Variants in SLC17A9 observed in about 807,000 individuals in gnomAD.
SLC17A9 encodes solute carrier family 17 member 9, also known as voltage-gated purine nucleotide uniporter SLC17A9.
A neutral mutation model predicts 55.0 loss-of-function variants in SLC17A9; 49 were observed. The ratio of observed to expected loss-of-function variants is 0.89; its 90% confidence interval spans 0.71 to 1.13. The LOEUF (loss-of-function observed/expected upper bound fraction) is 1.13, where lower values mean the gene tolerates loss of function less well. SLC17A9 is among the 50% of genes most tolerant of loss of function. The pLI, the probability that SLC17A9 is intolerant of heterozygous loss-of-function variation, is 0.00. For synonymous variants in SLC17A9, 256 were observed against 247.4 expected (o/e 1.03, Z -0.32); for missense variants, 526 against 569.3 (o/e 0.92, Z 0.77).
At chr20:62,965,029 TTCC>T in intron 8 of SLC17A9, 100 bp from the exon 9 acceptor site, 1 of 1,368,402 alleles carries the variant, frequency 7.3e-7, no homozygotes, top group Non-Finnish European at 1.0e-6. Context: ...CCCAAGCCTC[TTCC>T]TCCCCTGCTG....
chr20:62,962,731 A>T lies in SLC17A9; in HGVS notation c.605A>T (p.Tyr202Phe), dbSNP rs756674008. 1.9e-6 allele frequency: 3 copies of T among 1,613,742 alleles called. No individual in the cohort carries two copies. Among genetic ancestry groups the T allele is most frequent in the Non-Finnish European group, 2.5e-6 (3 of 1,179,772 alleles). ...ACCTTGCTTTGGGTGTGGTACGTGT[A>T]CAGGTACCTGCTGAGTGAAAAAGGT... ...GLTLLWVWYV[Y>F]RYLLSEKDLI... Residue 202 changes from tyrosine to phenylalanine, a missense_variant, in exon 5 of 13, where the codon TAC becomes TTC. Coordinates refer to ENST00000370351, the MANE Select transcript of SLC17A9 (RefSeq NM_022082.4). The surrounding 1 kb of genome is among the most constrained non-coding windows in gnomAD (Gnocchi z 5.5).
intron 2 of SLC17A9, 172 bp from the exon 3 acceptor site, chr20:62,957,269 C>T: frequency 1.0e-6 from 1 of 985,384 alleles, no homozygotes; most frequent in Non-Finnish European, 1.2e-6. Context: ...CAGGCCGCTC[C>T]CCTGGAGTAC....
Position 62,960,570 on chromosome 20 carries a change from C to T in SLC17A9, c.464C>T (p.Thr155Ile), listed in dbSNP as rs1277470096. The T allele has an allele frequency of 6.2e-7, 1 of 1,613,588 alleles. No individual in the cohort carries two copies. The highest frequency in any genetic ancestry group is 8.5e-7 in the Non-Finnish European group (1 of 1,180,012). ...QKVRESERAF[T>I]YSIVGAGSQF... ...GTGCGGGAGAGTGAGCGAGCCTTCA[C>T]CTACAGCATCGTGGGCGCCGGCTCC... Residue 155 changes from threonine to isoleucine, a missense_variant, in exon 4 of 13, where the codon ACC becomes ATC. Thr to Ile is a moderately conservative substitution (Grantham distance 89). Coordinates refer to ENST00000370351, the MANE Select transcript of SLC17A9 (RefSeq NM_022082.4).
Position 62,963,612 on chromosome 20 carries a change from G to A in SLC17A9, c.754G>A (p.Ala252Thr). The change falls in exon 7 of 13, where the codon GCC becomes ACC. Residue 252 changes from alanine to threonine, a missense_variant. Coordinates refer to ENST00000370351, the MANE Select transcript of SLC17A9 (RefSeq NM_022082.4). ...WAAVVSQLSAACSFFILLSWL... is the reference protein window; with the variant it reads ...WAAVVSQLSATCSFFILLSWL... ...AGCCGTCGTCTCCCAGCTCTCTGCA[G>A]CCTGCTCCTTCTTCATCCTCCTCTC... The A allele has an allele frequency of 1.9e-6, 3 of 1,602,004 alleles. No individual in the cohort carries two copies. The highest frequency in any genetic ancestry group is 3.3e-4 in the Middle Eastern group (2 of 6,048).
chr20:62,966,558 GT>G lies in SLC17A9; in HGVS notation c.1096del (p.Ser366ProfsTer24), dbSNP rs1568918435. 6.2e-7 allele frequency: 1 copy of G among 1,612,476 alleles called. No individual in the cohort carries two copies. The highest frequency in any genetic ancestry group is 1.7e-5 in the Admixed American group (1 of 59,766). On this transcript the variant is annotated frameshift_variant, in exon 11 of 13. Transcript: ENST00000370351. LOFTEE classifies it high-confidence loss of function. ...CTGTTAACATCCAGGACTTGGCCCC[GT>G]CCTGCGCCGGCTTTCTGTTTGGTGA... ...ISVNIQDLAP[S>X]CAGFLFGVAN... is the part of the protein sequence containing the mutation.
At chr20:62,953,138 T>C (rs2065505442) in intron 1 of SLC17A9, 1 of 1,508,336 alleles carries the variant, frequency 6.6e-7, no homozygotes, top group Non-Finnish European at 9.0e-7. Flanking sequence ...TTCCTGGGGC[T>C]CTTCCAGGCA....
rs1054885616 is a variant in SLC17A9 at position 62,958,089 on chromosome 20, G to A, written c.397+509G>A. 9.8e-5 allele frequency among the ~76,000 whole-genome samples: 15 copies of A among 152,290 alleles called. No individual in the cohort carries two copies. Among genetic ancestry groups the A allele is most frequent in the South Asian group, 6.2e-4 (3 of 4,834 alleles). ...TGTATGCATGTGTATGTGTGTGTGC[G>A]TTCCTGTATCCATGTGTATGTGCGT... On this transcript the variant is annotated intron_variant, in intron 3 of 12. Coordinates refer to ENST00000370351, the MANE Select transcript of SLC17A9 (RefSeq NM_022082.4). This position sits in a 1 kb window ranked among gnomAD's most constrained non-coding sequence, Gnocchi z 4.1.
At position 62,962,642 on chromosome 20, in the gene SLC17A9, G is replaced by A. The variant is rs371362253; in HGVS notation, c.516G>A (p.Ala172=). ...TTTGCAGGACGCTGCTGACCGGGGC[G>A]GTGGGCTCCCTGCTCCTGGAATGGT... ...GSQFGTLLTG[A]VGSLLLEWYG... Residue 172 remains alanine, a synonymous_variant, in exon 5 of 13, where the codon GCG becomes GCA. Transcript: ENST00000370351. This position sits in a 1 kb window ranked among gnomAD's most constrained non-coding sequence, Gnocchi z 5.5. 264 of 1,613,864 alleles carry A rather than the reference G, an allele frequency of 1.6e-4. 1 individual carries two copies. The highest frequency in any genetic ancestry group is 2.4e-4 in the African/African-American group (18 of 74,948).
At chr20:62,957,712 CCGCG>C in intron 3 of SLC17A9, 132 bp downstream of exon 3, 2 of 734,422 alleles carry the variant, frequency 2.7e-6, no homozygotes, top group Non-Finnish European at 3.9e-6. Flanking sequence ...ATGGGCATGC[CCGCG>C]TGCATGCGTG....
chr20:62,964,219 C>G lies in SLC17A9; in HGVS notation c.823-9C>G. On this transcript the variant is annotated splice_polypyrimidine_tract_variant and intron_variant, in intron 7 of 12. Coordinates refer to ENST00000370351, the MANE Select transcript of SLC17A9 (RefSeq NM_022082.4). ...CTGGCCCCCTCTAAGGCCAAACTCC[C>G]CCCTGCAGGGCTGGATCTTCAACGT... The G allele has an allele frequency of 6.2e-7, 1 of 1,614,040 alleles. No individual in the cohort carries two copies. Among genetic ancestry groups the G allele is most frequent in the Non-Finnish European group, 8.5e-7 (1 of 1,179,922 alleles).
rs758742638 is a variant in SLC17A9 at position 62,964,255 on chromosome 20, T to C, written c.850T>C (p.Leu284=). ...KGWIFNVVPW[L]VAIPASLFSG... is the part of the protein sequence containing the mutation. ...CTGGATCTTCAACGTGGTTCCTTGG[T>C]TGGTGGCGATTCCGGCCAGTCTATT... The change falls in exon 8 of 13, where the codon TTG becomes CTG. Residue 284 remains leucine (L), a synonymous_variant. Transcript: ENST00000370351. The C allele has an allele frequency of 6.2e-7, 1 of 1,614,132 alleles. No individual in the cohort carries two copies. Among genetic ancestry groups the C allele is most frequent in the Non-Finnish European group, 8.5e-7 (1 of 1,179,992 alleles).
At position 62,958,257 on chromosome 20, in the gene SLC17A9, G is replaced by A. The variant is rs1287385924; in HGVS notation, c.397+677G>A. On this transcript the variant is annotated intron_variant, in intron 3 of 12. Coordinates refer to ENST00000370351, the MANE Select transcript of SLC17A9 (RefSeq NM_022082.4). The surrounding 1 kb of genome is among the most constrained non-coding windows in gnomAD (Gnocchi z 4.1). ...GCACCTGTGTAGTGAACTTGCCCCT[G>A]CCCCTGAATTTTGTCACCAAACGCC... Among the ~76,000 whole-genome samples the A allele has an allele frequency of 2.0e-5, 3 of 152,164 alleles. No individual in the cohort carries two copies. The highest frequency in any genetic ancestry group is 7.2e-5 in the African/African-American group (3 of 41,428).
chr20:62,965,748 A>G, intron 10 of SLC17A9, 23 bp downstream of exon 10: 1 of 1,608,804 alleles, frequency 6.2e-7, no homozygotes, highest in Non-Finnish European at 8.5e-7. Flanking sequence ...TGCTCCATCC[A>G]CCAGAGCGCC....
At chr20:62,963,956 G>A (rs1279951206) in intron 7 of SLC17A9, 2 of 596,862 alleles carry the variant, frequency 3.4e-6, no homozygotes, top group Non-Finnish European at 5.9e-6. Context: ...CTGGCCCACA[G>A]AACCCGACTT....
chr20:62,962,673 T>C lies in SLC17A9; in HGVS notation c.547T>C (p.Trp183Arg). 1 of 1,614,124 alleles carries C rather than the reference T, an allele frequency of 6.2e-7. No homozygotes were observed. Among genetic ancestry groups the C allele is most frequent in the Non-Finnish European group, 8.5e-7 (1 of 1,179,960 alleles). The change falls in exon 5 of 13, where the codon TGG becomes CGG. Residue 183 changes from tryptophan (W) to arginine (R), a missense_variant. Coordinates refer to ENST00000370351, the MANE Select transcript of SLC17A9 (RefSeq NM_022082.4). The surrounding 1 kb of genome is among the most constrained non-coding windows in gnomAD (Gnocchi z 5.5). ...VGSLLLEWYG[W>R]QSIFYFSGGL... is the part of the protein sequence containing the mutation. Reference sequence around the variant, plus strand: ...CTCCCTGCTCCTGGAATGGTACGGCTGGCAGAGCATCTTCTATTTCTCCGG... The same window carrying C: ...CTCCCTGCTCCTGGAATGGTACGGCCGGCAGAGCATCTTCTATTTCTCCGG...
Position 62,960,582 on chromosome 20 carries a change from T to C in SLC17A9, c.476T>C (p.Val159Ala). 6.2e-7 allele frequency: 1 copy of C among 1,613,128 alleles called. No homozygotes were observed. The highest frequency in any genetic ancestry group is 8.5e-7 in the Non-Finnish European group (1 of 1,179,914). ...GAGCGAGCCTTCACCTACAGCATCG[T>C]GGGCGCCGGCTCCCAGTTTGGGTAA... ...ESERAFTYSI[V>A]GAGSQFGTLL... The change falls in exon 4 of 13, where the codon GTG becomes GCG. Residue 159 changes from valine to alanine, a missense_variant. By Grantham distance (64) the Val-to-Ala change is moderately conservative (BLOSUM62 0). Transcript: ENST00000370351.
At position 62,953,097 on chromosome 20, in the gene SLC17A9, G is replaced by A. The variant is rs534485031; in HGVS notation, c.59+208G>A. 4.5e-4 allele frequency: 604 copies of A among 1,341,766 alleles called. 1 individual carries two copies. In the African/African-American group the frequency reaches 7.7e-3, roughly 17 times the overall value. 83.1% of individuals were successfully genotyped at this position (1,341,766 alleles called of 1,614,324 possible). On this transcript the variant is annotated intron_variant, in intron 1 of 12. Transcript: ENST00000370351. ...CTCCCTGCCATGAGATTCCAGGACC[G>A]GACCTGGCAAGTGCCCTATCCCAGC...
Position 62,966,720 on chromosome 20 carries a change from G to T in SLC17A9, c.1135G>T (p.Gly379Trp). 6.2e-7 allele frequency: 1 copy of T among 1,612,040 alleles called. No homozygotes were observed. The highest frequency in any genetic ancestry group is 2.2e-5 in the East Asian group (1 of 44,842). ...GFLFGVANTA[G>W]ALAGVVGVCL... ...CTTCACAGGTGTGGCCAACACAGCC[G>T]GGGCCTTGGCAGGTGAGGGGCGGGC... The change falls in exon 12 of 13, where the codon GGG becomes TGG. Residue 379 changes from glycine to tryptophan, a missense_variant. Gly to Trp is a radical substitution (Grantham distance 184). Coordinates refer to ENST00000370351, the MANE Select transcript of SLC17A9 (RefSeq NM_022082.4).
At chr20:62,965,555 G>C in intron 9 of SLC17A9, 55 bp from the exon 10 acceptor site, 1 of 1,527,528 alleles carries the variant, frequency 6.5e-7, no homozygotes, top group Non-Finnish European at 9.0e-7. Context: ...GTCAGGAGAG[G>C]GCCCTGCTGC....
Sources: gnomAD v4.1 joint callset for allele counts (sites outside exome capture counted in the v4.1 genomes callset) on GRCh38, gnomAD v4.1.1 for gene constraint, Gnocchi (gnomAD v3.1) non-coding constraint, MANE v1.5 for transcripts, NCBI Gene and HGNC (gene_info 2026-07-23, HGNC 2026-07-21) for gene names.